The following AGPAT3 variants were observed in gnomAD, a reference collection of about 807,000 sequenced individuals.
The protein encoded by AGPAT3 is 1-acyl-sn-glycerol-3-phosphate acyltransferase gamma.
Under a neutral mutation model 47.3 loss-of-function variants are expected in AGPAT3, and 5 were observed. That is an observed-to-expected ratio of 0.11 (90% CI 0.06 to 0.22). The LOEUF is 0.22. Ranked by LOEUF, AGPAT3 falls within the 10% of genes least tolerant of loss-of-function variation. AGPAT3 has a pLI of 1.00. For synonymous variants in AGPAT3, 212 were observed against 208.3 expected (o/e 1.02, Z -0.15); for missense variants, 315 against 493.0 (o/e 0.64, Z 3.42).
rs2087196018 is a variant in AGPAT3 at position 43,930,275 on chromosome 21, G to T, written c.-49+26256G>T. ...CCGCACGGTGGGGTAGGGGGCTCTG[G>T]TGCCAATACCAATGCAGCCCGGTTC... On this transcript the variant is annotated intron_variant, in intron 2 of 9. Transcript: ENST00000291572. This position sits in a 1 kb window ranked among gnomAD's most constrained non-coding sequence, Gnocchi z 5.0. 6.6e-6 allele frequency among the ~76,000 whole-genome samples: 1 copy of T among 152,128 alleles called. No homozygotes were observed. Among genetic ancestry groups the T allele is most frequent in the Non-Finnish European group, 1.5e-5 (1 of 68,006 alleles).
intron 3 of AGPAT3, chr21:43,966,528 G>GTTCCCTCTCTCCTTTCTGCGTCCTT (rs2146716000): frequency 6.6e-6 from 1 of 152,348 alleles, no homozygotes; most frequent in South Asian, 2.1e-4. Flanking sequence ...CAAACCCTGA[G>GTTCCCTCTCTCCTTTCTGCGTCCTT]TTCCCTCTCT....
At chr21:43,893,114 A>G (rs976755828) in intron 1 of AGPAT3, among the ~76,000 whole-genome samples, 8 of 152,148 alleles carry the variant, frequency 5.3e-5, no homozygotes, top group African/African-American at 1.9e-4. Context: ...AAGAAAATCT[A>G]TTGTTGAGTG....
chr21:43,963,598 C>G (rs1018544073), intron 3 of AGPAT3, among the ~76,000 whole-genome samples: 5 of 150,020 alleles, frequency 3.3e-5, no homozygotes, highest in Admixed American at 6.7e-5. Flanking sequence ...ATCCCAGCTA[C>G]TGGGGTGGCT....
rs1485589301 is a variant in AGPAT3 at position 43,952,529 on chromosome 21, T to C, written c.-48-7105T>C. Among the ~76,000 whole-genome samples, 1 of 152,072 alleles carries C rather than the reference T, an allele frequency of 6.6e-6. No individual in the cohort carries two copies. The highest frequency in any genetic ancestry group is 1.5e-5 in the Non-Finnish European group (1 of 68,002). On this transcript the variant is annotated intron_variant, in intron 2 of 9. Coordinates refer to ENST00000291572, the MANE Select transcript of AGPAT3 (RefSeq NM_020132.5). This position sits in a 1 kb window ranked among gnomAD's most constrained non-coding sequence, Gnocchi z 5.6. The stretch of plus-strand genomic sequence containing the variant: ...AGGCAGCCTCGTGCCTCACCTTTGC[T>C]CCCCTGATCTAAGAAGGTGCACACC...
At position 43,969,391 on chromosome 21, in the gene AGPAT3, A is replaced by T. The variant is rs2089297202; in HGVS notation, c.510+112A>T. The T allele has an allele frequency of 2.9e-6, 4 of 1,386,276 alleles. No individual in the cohort carries two copies. The African/African-American group carries it at 5.7e-5, about 20-fold the overall frequency. The allele number at this position is 1,386,276 out of a possible 1,614,324, so 85.9% of individuals were successfully genotyped here. A position where few individuals can be genotyped will look rare whatever the true frequency, so the allele number is the denominator to read the frequency against. ...GGAAACCCCATGAGAGCCTCTGCAC[A>T]TGGGGTGCTGTTTCCATGGGGCCAT... On this transcript the variant is annotated intron_variant, in intron 5 of 9. Transcript: ENST00000291572.
At chr21:43,962,240 G>A (rs529201193) in intron 3 of AGPAT3, among the ~76,000 whole-genome samples, 1 of 152,176 alleles carries the variant, frequency 6.6e-6, no homozygotes, top group East Asian at 1.9e-4. Flanking sequence ...CTGACCTCGT[G>A]ATCTGCCCAC....
At chr21:43,979,021 G>C (rs571674695) in intron 8 of AGPAT3, among the ~76,000 whole-genome samples, 1 of 152,136 alleles carries the variant, frequency 6.6e-6, no homozygotes, top group Non-Finnish European at 1.5e-5. Flanking sequence ...AAATCGGTCG[G>C]GTGCTGTGGC....
chr21:43,962,249 A>G (rs544149644), intron 3 of AGPAT3, among the ~76,000 whole-genome samples: 44 of 151,802 alleles, frequency 2.9e-4, no homozygotes, highest in Middle Eastern at 3.4e-3. Context: ...TGATCTGCCC[A>G]CCTCGGCCTC....
At chr21:43,869,539 A>G (rs755123306) in intron 1 of AGPAT3, among the ~76,000 whole-genome samples, 4 of 152,156 alleles carry the variant, frequency 2.6e-5, no homozygotes, top group Middle Eastern at 3.2e-3. Context: ...CCACGATGAG[A>G]TGGGAAGTGC....
chr21:43,971,341 TGCAGCC>T (rs1468699871), intron 6 of AGPAT3, 41 bp from the exon 7 acceptor site: 1 of 1,569,796 alleles, frequency 6.4e-7, no homozygotes, highest in South Asian at 1.1e-5. Flanking sequence ...GCAGTGACCA[TGCAGCC>T]GCCTGGGCTG....
rs2089839065 is a variant in AGPAT3 at position 43,981,239 on chromosome 21, A to G, written c.1042+52A>G. On this transcript the variant is annotated intron_variant, in intron 9 of 9. Transcript: ENST00000291572. The surrounding 1 kb of genome is among the most constrained non-coding windows in gnomAD (Gnocchi z 5.3). ...ACACTCTGACGGGCCTCACAGTATC[A>G]GCCACAGGGTCCGGGACCTGGTGAC... 2 of 1,590,628 alleles carry G rather than the reference A, an allele frequency of 1.3e-6. No homozygotes were observed. Among genetic ancestry groups the G allele is most frequent in the Non-Finnish European group, 1.7e-6 (2 of 1,159,660 alleles).
chr21:43,945,308 G>GC (rs933535175), intron 2 of AGPAT3, among the ~76,000 whole-genome samples: 1 of 152,194 alleles, frequency 6.6e-6, no homozygotes, highest in African/African-American at 2.4e-5. Flanking sequence ...GAGACACACA[G>GC]CCCATCGCAC....
At chr21:43,929,996 G>A (rs371438907) in intron 2 of AGPAT3, among the ~76,000 whole-genome samples, 3 of 152,348 alleles carry the variant, frequency 2.0e-5, no homozygotes, top group East Asian at 3.9e-4. Flanking sequence ...CAGCCCAGGC[G>A]TGCCGGAGAG....
At chr21:43,881,051 A>G (rs1232602521) in intron 1 of AGPAT3, among the ~76,000 whole-genome samples, 1 of 152,202 alleles carries the variant, frequency 6.6e-6, no homozygotes, top group African/African-American at 2.4e-5. Context: ...GAAGAAAGTG[A>G]TAGTAATTAC....
chr21:43,933,347 C>T lies in AGPAT3; in HGVS notation c.-48-26287C>T, dbSNP rs185614508. Among the ~76,000 whole-genome samples, 1 of 152,310 alleles carries T rather than the reference C, an allele frequency of 6.6e-6. No homozygotes were observed. The highest frequency in any genetic ancestry group is 1.9e-4 in the East Asian group (1 of 5,190). On this transcript the variant is annotated intron_variant, in intron 2 of 9. Coordinates refer to ENST00000291572, the MANE Select transcript of AGPAT3 (RefSeq NM_020132.5). This position sits in a 1 kb window ranked among gnomAD's most constrained non-coding sequence, Gnocchi z 6.0. ...CTCTCCCTTGCGGGTCGTCTCTTTA[C>T]CCTGTCGTTCCCTTTGTCATGCAGA... is the stretch of plus-strand genomic sequence containing the variant.
At chr21:43,978,526 A>G (rs1327224001) in intron 8 of AGPAT3, among the ~76,000 whole-genome samples, 1 of 152,110 alleles carries the variant, frequency 6.6e-6, no homozygotes, top group Non-Finnish European at 1.5e-5. Context: ...CCAGGCTGGT[A>G]TTCAACTCCT....
chr21:43,910,511 A>G (rs1421022951), intron 2 of AGPAT3, among the ~76,000 whole-genome samples: 1 of 152,158 alleles, frequency 6.6e-6, no homozygotes, highest in African/African-American at 2.4e-5. Flanking sequence ...TAATTAGGTG[A>G]ATTAAGTGAA....
At chr21:43,957,660 CGGGGGTCTCGGGTTTCCCCCTCCACAG>C (rs1569090251) in intron 2 of AGPAT3, among the ~76,000 whole-genome samples, 83 of 148,224 alleles carry the variant, frequency 5.6e-4, no homozygotes, top group East Asian at 4.8e-3. Context: ...CCCCTCCACA[CGGGGGTCTCGGGTTTCCCCCTCCACAG>C]GGGGGTCTCG....
At chr21:43,896,035 C>G (rs143211903) in intron 1 of AGPAT3, among the ~76,000 whole-genome samples, 1 of 151,888 alleles carries the variant, frequency 6.6e-6, no homozygotes, top group Non-Finnish European at 1.5e-5. Flanking sequence ...CCCAGAGTGC[C>G]GAGATTACAG....
Sources: gnomAD v4.1 joint callset for allele counts (sites outside exome capture counted in the v4.1 genomes callset) on GRCh38, gnomAD v4.1.1 for gene constraint, Gnocchi (gnomAD v3.1) non-coding constraint, MANE v1.5 for transcripts, NCBI Gene and HGNC (gene_info 2026-07-23, HGNC 2026-07-21) for gene names.